RFX3: variants seen among roughly 807,000 people sequenced by gnomAD.
RFX3 encodes the protein regulatory factor X3, also known as transcription factor RFX3.
In RFX3, 14 loss-of-function variants were observed where a neutral mutation model predicts 98.6. The ratio of observed to expected loss-of-function variants is 0.14; its 90% CI spans 0.09 to 0.22. The LOEUF (loss-of-function observed/expected upper bound fraction) is 0.22, where lower values mean the gene tolerates loss of function less well. RFX3 is among the 10% of genes least tolerant of loss of function. The pLI is 1.00. For synonymous variants in RFX3, 383 were observed against 328.4 expected (o/e 1.17, Z -1.80); for missense variants, 639 against 926.9 (o/e 0.69, Z 4.03).
intron 3 of RFX3, chr9:3,344,720 C>A: frequency 1.7e-6 from 1 of 590,542 alleles, no homozygotes; most frequent in Non-Finnish European, 3.0e-6. Flanking sequence ...GAAATGACAA[C>A]TGACAACTGG....
chr9:3,322,538 C>T (rs868147796), intron 4 of RFX3, among the ~76,000 whole-genome samples: 1 of 152,082 alleles, frequency 6.6e-6, no homozygotes, highest in African/African-American at 2.4e-5. Context: ...TCAAGACCAA[C>T]CCAGCCAACA....
intron 14 of RFX3, among the ~76,000 whole-genome samples, chr9:3,250,742 A>G (rs1821287862): frequency 6.6e-6 from 1 of 152,114 alleles, no homozygotes; most frequent in Admixed American, 6.6e-5. Flanking sequence ...ATCCAGATAT[A>G]AAATTTTATG....
At chr9:3,513,268 C>A (rs1817818615) in intron 1 of RFX3, among the ~76,000 whole-genome samples, 1 of 152,076 alleles carries the variant, frequency 6.6e-6, no homozygotes, top group Non-Finnish European at 1.5e-5. Context: ...TCAGTCATAG[C>A]AGTGATATTA....
intron 4 of RFX3, among the ~76,000 whole-genome samples, chr9:3,328,556 T>C (rs1159286892): frequency 6.6e-6 from 1 of 151,950 alleles, no homozygotes; most frequent in African/African-American, 2.4e-5. Flanking sequence ...CAAATACACA[T>C]AAGAAATGCT....
In RFX3 at chr9:3,274,126, G is replaced by A. The variant is rs546440030; in HGVS notation, c.1086+1374C>T. ...GGAATGTTGGGAACTGGTAGGACAC[G>A]TTGAAGAACACTTCTGGCACATGTT... is the stretch of plus-strand genomic sequence containing the variant. On this transcript the variant is annotated intron_variant, in intron 9 of 16. Coordinates refer to ENST00000617270, the MANE Select transcript of RFX3 (RefSeq NM_001282116.2). Among the ~76,000 whole-genome samples, 19 of 152,290 alleles carry A rather than the reference G, an allele frequency of 1.2e-4. No homozygotes were observed. The South Asian group carries it at 2.7e-3, about 22-fold the overall frequency.
In RFX3 at chr9:3,223,918, A is replaced by C. The variant is rs1563758767; in HGVS notation, c.*1124T>G. On this transcript the variant is annotated 3_prime_UTR_variant, in exon 17 of 17. Transcript: ENST00000617270. ...AATCCTACAGAATTGGGGATAAGTA[A>C]CAGTGAGGTGTGCCAGTTACACTGC... 1 of 152,214 alleles carries C rather than the reference A, an allele frequency of 6.6e-6. No homozygotes were observed. The highest frequency in any genetic ancestry group is 1.5e-5 in the Non-Finnish European group (1 of 68,042). 9.4% of individuals were successfully genotyped at this position (152,214 alleles called of 1,614,324 possible).
chr9:3,494,858 T>C (rs548652210), intron 1 of RFX3, among the ~76,000 whole-genome samples: 1 of 152,084 alleles, frequency 6.6e-6, no homozygotes, highest in South Asian at 2.1e-4. Flanking sequence ...ACACAGGGAA[T>C]TGAAAAAGGG....
intron 11 of RFX3, among the ~76,000 whole-genome samples, chr9:3,270,071 A>T (rs1489950524): frequency 7.5e-6 from 1 of 134,042 alleles, no homozygotes; most frequent in African/African-American, 3.2e-5. Context: ...AAAGAAAGAA[A>T]GAGAAAGAAG....
At chr9:3,520,392 C>G (rs955802557) in intron 1 of RFX3, among the ~76,000 whole-genome samples, 26 of 152,080 alleles carry the variant, frequency 1.7e-4, no homozygotes, top group Non-Finnish European at 1.5e-5. Context: ...CTGTATCTTT[C>G]TAAGCTTACT....
chr9:3,377,207 G>A (rs1838640073), intron 2 of RFX3, among the ~76,000 whole-genome samples: 1 of 152,156 alleles, frequency 6.6e-6, no homozygotes, highest in South Asian at 2.1e-4. Context: ...ATGTCCATCA[G>A]TGATAGACTG....
chr9:3,396,246 T>C (rs897939057), intron 1 of RFX3, among the ~76,000 whole-genome samples: 12 of 152,054 alleles, frequency 7.9e-5, no homozygotes, highest in Non-Finnish European at 1.8e-4. Context: ...TGTGTCCATG[T>C]GTTCTCATTG....
intron 1 of RFX3, among the ~76,000 whole-genome samples, chr9:3,397,144 G>C (rs1840977903): frequency 6.6e-6 from 1 of 152,148 alleles, no homozygotes; most frequent in Non-Finnish European, 1.5e-5. Context: ...ACGTTTCTCA[G>C]TTTTGCCTGA....
chr9:3,453,320 CACTA>C (rs968093513), intron 1 of RFX3, among the ~76,000 whole-genome samples: 17 of 151,936 alleles, frequency 1.1e-4, no homozygotes, highest in East Asian at 1.9e-4. Context: ...AAATACTTAT[CACTA>C]ACTAACTAAA....
At chr9:3,370,772 A>C (rs1192954740) in intron 2 of RFX3, among the ~76,000 whole-genome samples, 1 of 152,200 alleles carries the variant, frequency 6.6e-6, no homozygotes. Context: ...ATACATGCTT[A>C]TACAACTGCA....
chr9:3,263,126 G>C (rs1823139709), intron 12 of RFX3, 42 bp from the exon 13 acceptor site: 1 of 1,594,208 alleles, frequency 6.3e-7, no homozygotes, highest in Non-Finnish European at 8.6e-7. Context: ...GTTTCCTCCA[G>C]TAAAAGAAAC....
chr9:3,273,290 G>C (rs141061685), intron 9 of RFX3, among the ~76,000 whole-genome samples: 1 of 152,084 alleles, frequency 6.6e-6, no homozygotes, highest in African/African-American at 2.4e-5. Flanking sequence ...ATGCAGCTCA[G>C]CCCTATGAGA....
At chr9:3,396,934 C>T (rs563633756) in intron 1 of RFX3, among the ~76,000 whole-genome samples, 2 of 152,248 alleles carry the variant, frequency 1.3e-5, no homozygotes, top group South Asian at 2.1e-4. Context: ...ATGCCCTAAA[C>T]TTAGCCAAAG....
chr9:3,293,699 G>A (rs1223708571), intron 5 of RFX3, among the ~76,000 whole-genome samples: 3 of 152,068 alleles, frequency 2.0e-5, no homozygotes, highest in African/African-American at 2.4e-5. Context: ...ACAGCAGGCT[G>A]CCTGGTATGA....
intron 2 of RFX3, among the ~76,000 whole-genome samples, chr9:3,376,754 AC>A (rs1328401914): frequency 1.3e-5 from 2 of 152,184 alleles, no homozygotes; most frequent in African/African-American, 4.8e-5. Context: ...CAAGAAAAAA[AC>A]AAACAACCCC....
Sources: gnomAD v4.1 joint callset for allele counts (sites outside exome capture counted in the v4.1 genomes callset) on GRCh38, gnomAD v4.1.1 for gene constraint, MANE v1.5 for transcripts, NCBI Gene and HGNC (gene_info 2026-07-23, HGNC 2026-07-21) for gene names.